The following PPEF2 variants were observed in gnomAD, a reference collection of about 807,000 sequenced individuals.
The protein encoded by PPEF2 is protein phosphatase with EF-hand domain 2, also known as serine/threonine-protein phosphatase with EF-hands 2.
In PPEF2, 84 loss-of-function variants were observed where a neutral mutation model predicts 84.7. The ratio of observed to expected loss-of-function variants is 0.99; its 90% CI spans 0.83 to 1.19. The LOEUF (loss-of-function observed/expected upper bound fraction) is 1.19. PPEF2 is among the 50% of genes most tolerant of loss of function. The pLI is 0.00. For synonymous variants in PPEF2, 346 were observed against 345.2 expected, an observed-to-expected ratio of 1.00 and a Z score of -0.03; for missense variants, 924 against 937.5, an observed-to-expected ratio of 0.99 and a Z score of 0.19.
At chr4:75,895,461 G>A (rs531217721) in intron 2 of PPEF2, among the ~76,000 whole-genome samples, 19 of 151,760 alleles carry the variant, frequency 1.3e-4, no homozygotes, top group African/African-American at 3.6e-4. Context: ...GGTTGGGCAC[G>A]GTGGCTCACG....
chr4:75,883,940 A>G (rs1973635), intron 8 of PPEF2, among the ~76,000 whole-genome samples: 125,651 of 145,716 alleles, frequency 0.86, 57,307 homozygotes, highest in Non-Finnish European at 1. Flanking sequence ...GACCAGCCTG[A>G]CCAACATGGT....
chr4:75,888,166 A>T (rs7691712), intron 6 of PPEF2, 48 bp downstream of exon 6: 5 of 1,401,310 alleles, frequency 3.6e-6, no homozygotes, highest in Non-Finnish European at 5.1e-6. Flanking sequence ...CAGGTAGAGC[A>T]TTCTTCTTTG....
At chr4:75,881,850 A>T (rs942199234) in intron 10 of PPEF2, 2 of 152,192 alleles carry the variant, frequency 1.3e-5, no homozygotes, top group African/African-American at 4.8e-5. Context: ...GTATTCTTTC[A>T]TTTCATGTAT....
chr4:75,888,165 C>G, intron 6 of PPEF2, 49 bp downstream of exon 6: 1 of 1,361,044 alleles, frequency 7.3e-7, no homozygotes, highest in South Asian at 1.2e-5. Flanking sequence ...ACAGGTAGAG[C>G]ATTCTTCTTT....
At chr4:75,897,021 G>T (rs763823724) in intron 1 of PPEF2, among the ~76,000 whole-genome samples, 2 of 151,926 alleles carry the variant, frequency 1.3e-5, no homozygotes, top group Non-Finnish European at 2.9e-5. Context: ...GGTTAATTTT[G>T]TTTTTGCATT....
At chr4:75,889,570 A>C (rs1724824060) in intron 5 of PPEF2, among the ~76,000 whole-genome samples, 1 of 152,184 alleles carries the variant, frequency 6.6e-6, no homozygotes, top group South Asian at 2.1e-4. Context: ...AATATACTGC[A>C]TAATTGTCTT....
At chr4:75,872,862 C>T (rs1724317959) in intron 12 of PPEF2, among the ~76,000 whole-genome samples, 4 of 152,194 alleles carry the variant, frequency 2.6e-5, no homozygotes, top group Admixed American at 2.0e-4. Flanking sequence ...TGAGAAAACA[C>T]TGGCCTCATA....
At chr4:75,879,594 T>C (rs1724513505) in intron 10 of PPEF2, among the ~76,000 whole-genome samples, 1 of 152,206 alleles carries the variant, frequency 6.6e-6, no homozygotes, top group Admixed American at 6.6e-5. Context: ...CTGGGTATTT[T>C]CTTTCTTATA....
chr4:75,869,731 C>A (rs1724223268), intron 13 of PPEF2, among the ~76,000 whole-genome samples: 1 of 152,066 alleles, frequency 6.6e-6, no homozygotes, highest in African/African-American at 2.4e-5. Flanking sequence ...GCCTGTAGTA[C>A]CAGGTGTGAG....
intron 4 of PPEF2, among the ~76,000 whole-genome samples, chr4:75,891,259 C>A (rs951030786): frequency 6.6e-6 from 1 of 151,990 alleles, no homozygotes; most frequent in Non-Finnish European, 1.5e-5. Context: ...CGCTTTCAAC[C>A]AATGACTCCT....
intron 10 of PPEF2, among the ~76,000 whole-genome samples, chr4:75,880,073 C>A (rs577397484): frequency 6.6e-6 from 1 of 152,092 alleles, no homozygotes; most frequent in African/African-American, 2.4e-5. Context: ...CGTGATCCGC[C>A]CGCCTCGGCC....
rs148045586 is a variant in PPEF2 at position 75,860,865 on chromosome 4, C to T, written c.2064G>A (p.Met688Ile). ...RQTWKLFSSH[M>I]NIDITDDCIC... The stretch of plus-strand genomic sequence containing the variant: ...TGCAGTCATCTGTAATGTCGATATT[C>T]ATGTGAGAGCTGAACAGCTTCCAGG... The change falls in exon 17 of 17, where the codon ATG becomes ATA. Residue 688 changes from methionine to isoleucine, a missense_variant. Coordinates refer to ENST00000286719, the MANE Select transcript of PPEF2 (RefSeq NM_006239.3). The T allele has an allele frequency of 1.9e-5, 31 of 1,614,132 alleles. No homozygotes were observed. The highest frequency in any genetic ancestry group is 2.4e-5 in the Non-Finnish European group (28 of 1,180,036).
chr4:75,860,849 C>A lies in PPEF2; in HGVS notation c.2080G>T (p.Asp694Tyr). ...CGAGCAAGGTCACAGATGCAGTCAT[C>A]TGTAATGTCGATATTCATGTGAGAG... ...FSSHMNIDIT[D>Y]DCICDLARSI... The change falls in exon 17 of 17, where the codon GAT (aspartate) becomes TAT (tyrosine). Residue 694 changes from aspartate to tyrosine, a missense_variant. Physicochemically the swap from Asp to Tyr is radical, Grantham distance 160. Coordinates refer to ENST00000286719, the MANE Select transcript of PPEF2 (RefSeq NM_006239.3). 6.2e-7 allele frequency: 1 copy of A among 1,614,244 alleles called. No homozygotes were observed. Among genetic ancestry groups the A allele is most frequent in the Non-Finnish European group, 8.5e-7 (1 of 1,180,042 alleles).
Position 75,884,705 on chromosome 4 carries a change from C to A in PPEF2, c.635G>T (p.Arg212Leu). 1 of 1,613,158 alleles carries A rather than the reference C, an allele frequency of 6.2e-7. No homozygotes were observed. The highest frequency in any genetic ancestry group is 8.5e-7 in the Non-Finnish European group (1 of 1,179,710). Residue 212 changes from arginine to leucine, a missense_variant, in exon 8 of 17, where the codon CGA becomes CTA. Physicochemically the swap from Arg to Leu is moderately radical, Grantham distance 102. Transcript: ENST00000286719. ...CAGGATCTCTACTGAATCCTTGCCT[C>A]GATCCACAAAGTCACCGTTGAACAC... ...SYVFNGDFVD[R>L]GKDSVEILMI...
At chr4:75,876,797 G>A (rs13132709) in intron 10 of PPEF2, 124 bp from the exon 11 acceptor site, 445,065 of 1,051,398 alleles carry the variant, frequency 0.42, 100,579 homozygotes, top group Non-Finnish European at 0.47. Context: ...CTCAAGCCCG[G>A]GAGTTCAAGA....
rs116715154 is a variant in PPEF2 at position 75,888,408 on chromosome 4, A to G, written c.418-80T>C. The G allele has an allele frequency of 1.1e-3, 1,160 of 1,052,624 alleles. 10 individuals are homozygous for G. The African/African-American group carries it at 0.016, about 15-fold the overall frequency. 65.2% of individuals were successfully genotyped at this position (1,052,624 alleles called of 1,614,324 possible). A position where few individuals can be genotyped will look rare whatever the true frequency, so the allele number is the denominator to read the frequency against. On this transcript the variant is annotated intron_variant, in intron 5 of 16. Transcript: ENST00000286719. ...AAATGGTCCTTACCTTTACTGCTTA[A>G]CAACCCCCATCACCTAAGACCCCAA...
chr4:75,882,539 C>CTTTT (rs34920440), intron 10 of PPEF2, among the ~76,000 whole-genome samples: 4 of 148,976 alleles, frequency 2.7e-5, no homozygotes, highest in African/African-American at 4.9e-5. Context: ...GGTTCTCAAT[C>CTTTT]TTTTTTTTTT....
intron 2 of PPEF2, among the ~76,000 whole-genome samples, chr4:75,893,352 G>T (rs138163765): frequency 4.9e-4 from 74 of 152,296 alleles, no homozygotes; most frequent in Non-Finnish European, 9.0e-4. Context: ...ACAAAAATTA[G>T]CTGGGCATGG....
At chr4:75,888,084 G>A (rs892911319) in intron 6 of PPEF2, 130 bp downstream of exon 6, 2 of 673,828 alleles carry the variant, frequency 3.0e-6, no homozygotes, top group East Asian at 5.2e-5. Flanking sequence ...TGCAAATTGT[G>A]GACCTGAAGG....
Sources: gnomAD v4.1 joint callset for allele counts (sites outside exome capture counted in the v4.1 genomes callset) on GRCh38, gnomAD v4.1.1 for gene constraint, MANE v1.5 for transcripts, NCBI Gene and HGNC (gene_info 2026-07-23, HGNC 2026-07-21) for gene names.